Variants in TMEM132E observed in about 807,000 individuals in gnomAD.
TMEM132E encodes the protein transmembrane protein 132E.
TMEM132E carries 49 observed loss-of-function variants against 78.5 expected under a neutral mutation model. That is an observed-to-expected ratio of 0.62 (90% CI 0.50 to 0.79). The LOEUF is 0.79. Among genes scored for constraint, TMEM132E ranks in the 30% least tolerant of loss-of-function variants. The pLI is 0.00. For synonymous variants in TMEM132E, 715 were observed against 670.6 expected (o/e 1.07, Z -1.02); for missense variants, 1,403 against 1,470.9 (o/e 0.95, Z 0.75).
rs78447928 is a variant in TMEM132E, at chr17:34,594,844, C to T, written c.67+13701C>T. Among the ~76,000 whole-genome samples, 1,405 of 152,234 alleles carry T rather than the reference C, an allele frequency of 9.2e-3. 96 individuals are homozygous for T. The East Asian group carries it at 0.19, about 20-fold the overall frequency. On this transcript the variant is annotated intron_variant, in intron 1 of 8. Coordinates refer to ENST00000631683, the MANE Select transcript of TMEM132E (RefSeq NM_001304438.2). The stretch of plus-strand genomic sequence containing the variant: ...CTTGAGCTTCTGGCTTCAAGTGGTC[C>T]GCTCGCCTTAGTTTCCCAAAATGCT...
intron 5 of TMEM132E, among the ~76,000 whole-genome samples, chr17:34,631,860 C>T (rs966568583): frequency 3.9e-5 from 6 of 152,194 alleles, no homozygotes; most frequent in Admixed American, 6.5e-5. Flanking sequence ...ACACAGGATC[C>T]GTTCTGGGGT....
intron 2 of TMEM132E, among the ~76,000 whole-genome samples, 190 bp from the exon 3 acceptor site, chr17:34,628,372 CA>C (rs1907227942): frequency 6.6e-6 from 1 of 152,192 alleles, no homozygotes; most frequent in South Asian, 2.1e-4. Flanking sequence ...CACCGAGGGT[CA>C]GAGTTTTCAG....
chr17:34,617,985 T>A (rs371673444), intron 1 of TMEM132E, among the ~76,000 whole-genome samples: 1 of 152,218 alleles, frequency 6.6e-6, no homozygotes, highest in South Asian at 2.1e-4. Flanking sequence ...AGTGTTTACA[T>A]CTTTGTACAT....
intron 1 of TMEM132E, among the ~76,000 whole-genome samples, chr17:34,608,727 C>G (rs1906495601): frequency 6.6e-6 from 1 of 152,198 alleles, no homozygotes; most frequent in Non-Finnish European, 1.5e-5. Flanking sequence ...GTGGACCATT[C>G]AAACCACATA....
intron 1 of TMEM132E, among the ~76,000 whole-genome samples, chr17:34,585,346 T>G (rs1234602782): frequency 6.6e-6 from 1 of 152,176 alleles, no homozygotes; most frequent in Non-Finnish European, 1.5e-5. Context: ...GACTTGAGAT[T>G]GGTAGTGAGT....
rs982083587 is a variant in TMEM132E at position 34,626,013 on chromosome 17, C to T, written c.68-114C>T. The T allele has an allele frequency of 1.8e-5, 18 of 998,964 alleles. No individual in the cohort carries two copies. In the Admixed American group the frequency reaches 2.5e-4, roughly 14 times the overall value. The allele number at this position is 998,964 out of a possible 1,614,324, so 61.9% of individuals were successfully genotyped here. ...GGACAGCCAGGCTGAACCTGCCCAG[C>T]TAGAGGAGTTGGCAGCCCTCTGTGG... is the stretch of plus-strand genomic sequence containing the variant. On this transcript the variant is annotated intron_variant, in intron 1 of 8. Coordinates refer to ENST00000631683, the MANE Select transcript of TMEM132E (RefSeq NM_001304438.2).
chr17:34,610,589 T>C (rs1445720659), intron 1 of TMEM132E, among the ~76,000 whole-genome samples: 1 of 152,206 alleles, frequency 6.6e-6, no homozygotes, highest in Non-Finnish European at 1.5e-5. Context: ...GTGACACTGA[T>C]ACTGGTGGGC....
rs1199519526 is a variant in TMEM132E at position 34,637,521 on chromosome 17, G to A, written c.2514G>A (p.Glu838=). The A allele has an allele frequency of 3.7e-6, 6 of 1,601,748 alleles. No individual in the cohort carries two copies. The East Asian group carries it at 1.1e-4, about 30-fold the overall frequency. ...CAGGGCCCGGCGGGGGCGAGGACGAGGCCCGGGGAGCTGGCCCGCCGGGCT... is the reference window on the plus strand; with the variant it reads ...CAGGGCCCGGCGGGGGCGAGGACGAAGCCCGGGGAGCTGGCCCGCCGGGCT... The part of the protein sequence containing the change: ...SQPGPGGGED[E]ARGAGPPGSA... Residue 838 remains glutamate (E), a synonymous_variant, in exon 9 of 9, where the codon GAG becomes GAA. Coordinates refer to ENST00000631683, the MANE Select transcript of TMEM132E (RefSeq NM_001304438.2).
intron 6 of TMEM132E, among the ~76,000 whole-genome samples, chr17:34,634,346 C>T (rs1907447302): frequency 1.3e-5 from 2 of 152,166 alleles, no homozygotes; most frequent in South Asian, 4.1e-4. Flanking sequence ...TGGAAATCTC[C>T]TCAGTTAAAT....
intron 1 of TMEM132E, among the ~76,000 whole-genome samples, chr17:34,597,662 C>T (rs1350714253): frequency 6.6e-6 from 1 of 152,128 alleles, no homozygotes; most frequent in Non-Finnish European, 1.5e-5. Context: ...CTCCTGGCCA[C>T]CATCATGATC....
At chr17:34,612,769 C>A (rs1906633003) in intron 1 of TMEM132E, among the ~76,000 whole-genome samples, 1 of 152,128 alleles carries the variant, frequency 6.6e-6, no homozygotes, top group Non-Finnish European at 1.5e-5. Flanking sequence ...TGAAGTGAGC[C>A]CAGGACCAGG....
At chr17:34,626,010 C>T in intron 1 of TMEM132E, 117 bp from the exon 2 acceptor site, 1 of 975,596 alleles carries the variant, frequency 1.0e-6, no homozygotes, top group Non-Finnish European at 1.5e-6. Flanking sequence ...TGAACCTGCC[C>T]AGCTAGAGGA....
chr17:34,602,588 G>A (rs1419117206), intron 1 of TMEM132E, among the ~76,000 whole-genome samples: 1 of 152,192 alleles, frequency 6.6e-6, no homozygotes, highest in Admixed American at 6.5e-5. Context: ...TCACACTGGA[G>A]ACTGGCAAGG....
chr17:34,632,701 C>T lies in TMEM132E; in HGVS notation c.1483-3C>T. 18 of 1,614,138 alleles carry T rather than the reference C, an allele frequency of 1.1e-5. No individual in the cohort carries two copies. Among genetic ancestry groups the T allele is most frequent in the Non-Finnish European group, 1.4e-5 (16 of 1,180,010 alleles). On this transcript the variant is annotated splice_polypyrimidine_tract_variant and splice_region_variant and intron_variant, in intron 5 of 8. Transcript: ENST00000631683. ...TGTGCCAACTGTTCCTCCCTTCCCC[C>T]AGGTATCCAGCAGCTGTGACTACGT... is the stretch of plus-strand genomic sequence containing the variant.
intron 1 of TMEM132E, among the ~76,000 whole-genome samples, chr17:34,593,376 C>T (rs747501267): frequency 1.7e-4 from 26 of 152,230 alleles, no homozygotes; most frequent in Non-Finnish European, 3.5e-4. Context: ...GCCTTGCCAG[C>T]AGCATATCTT....
Position 34,581,033 on chromosome 17 carries a change from G to C in TMEM132E, c.-44G>C, listed in dbSNP as rs772733303. 2.7e-6 allele frequency: 4 copies of C among 1,505,174 alleles called. No homozygotes were observed. The highest frequency in any genetic ancestry group is 2.5e-5 in the South Asian group (2 of 79,052). 93.2% of individuals were successfully genotyped at this position (1,505,174 alleles called of 1,614,324 possible). ...AAGCCCAGCCTGGGGCCAAGTCGTC[G>C]TCGACTGTTGCTCTCTCGGACCCCT... On this transcript the variant is annotated 5_prime_UTR_variant, in exon 1 of 9. Transcript: ENST00000631683.
At position 34,637,324 on chromosome 17, in the gene TMEM132E, G is replaced by T; in HGVS notation, c.2317G>T (p.Val773Leu). ...CCAGGACCGGGCCTTCCCTCTGGTA[G>T]TGGCTGAGGCCGAGGGGTCAGGGGA... ...VTQDRAFPLV[V>L]AEAEGSGELL... The change falls in exon 9 of 9, where the codon GTG becomes TTG. Residue 773 changes from valine (V) to leucine (L), a missense_variant. Around this residue, in one of 3 missense-constraint regions of TMEM132E, gnomAD observed 888 missense variants for 952.8 expected, o/e 0.93. Coordinates refer to ENST00000631683, the MANE Select transcript of TMEM132E (RefSeq NM_001304438.2). The T allele has an allele frequency of 6.2e-7, 1 of 1,614,106 alleles. No individual in the cohort carries two copies.
Position 34,626,121 on chromosome 17 carries a change from C to A in TMEM132E, c.68-6C>A. ...CCCTGGGCCTCTTTCCTCTGTCTGT[C>A]CCCAGCCTCTGGCCGCTCCCACCCG... On this transcript the variant is annotated splice_polypyrimidine_tract_variant and splice_region_variant and intron_variant, in intron 1 of 8. Coordinates refer to ENST00000631683, the MANE Select transcript of TMEM132E (RefSeq NM_001304438.2). 6.6e-7 allele frequency: 1 copy of A among 1,508,044 alleles called. No individual in the cohort carries two copies. The highest frequency in any genetic ancestry group is 8.8e-7 in the Non-Finnish European group (1 of 1,132,588). The allele number at this position is 1,508,044 out of a possible 1,614,324, so 93.4% of individuals were successfully genotyped here. A position where few individuals can be genotyped will look rare whatever the true frequency, so the allele number is the denominator to read the frequency against.
chr17:34,607,215 G>A (rs528747457), intron 1 of TMEM132E, among the ~76,000 whole-genome samples: 2 of 152,184 alleles, frequency 1.3e-5, no homozygotes, highest in Non-Finnish European at 2.9e-5. Flanking sequence ...ATTATTTAGG[G>A]AGAACTTACT....
Sources: gnomAD v4.1 joint callset for allele counts (sites outside exome capture counted in the v4.1 genomes callset) on GRCh38, gnomAD v4.1.1 for gene constraint, gnomAD v4.1.1 regional missense constraint, MANE v1.5 for transcripts, NCBI Gene and HGNC (gene_info 2026-07-23, HGNC 2026-07-21) for gene names.